Variants in PEPD observed in about 807,000 individuals in gnomAD.
The protein encoded by PEPD is xaa-Pro dipeptidase.
In PEPD, 53 loss-of-function variants were observed where a neutral mutation model predicts 60.7. The observed-to-expected ratio is 0.87, with a 90% CI of 0.70 to 1.10. The LOEUF is 1.10. Among genes scored for constraint, PEPD ranks in the 50% least tolerant of loss-of-function variants. The pLI, the probability that PEPD is intolerant of heterozygous loss-of-function variation, is 0.00. For synonymous variants in PEPD, 267 were observed against 284.1 expected, an observed-to-expected ratio of 0.94 and a Z score of 0.60; for missense variants, 711 against 711.9, an observed-to-expected ratio of 1.00 and a Z score of 0.01.
intron 9 of PEPD, among the ~76,000 whole-genome samples, chr19:33,422,207 C>T (rs1034832655): frequency 1.3e-5 from 2 of 152,022 alleles, no homozygotes; most frequent in African/African-American, 4.8e-5. Context: ...AAAGCCACAG[C>T]ATGCTCTCTC....
In PEPD at chr19:33,419,582, G is replaced by A. The variant is rs183284055; in HGVS notation, c.672-5939C>T. 1.1e-4 allele frequency among the ~76,000 whole-genome samples: 16 copies of A among 152,328 alleles called. No homozygotes were observed. The East Asian group carries it at 2.9e-3, about 28-fold the overall frequency. ...ACTGCAAAGCTTATGGTTTTGACCCGGATGCCTCTGAAACCTCAGGTCTGT... is the reference window on the plus strand; with the variant it reads ...ACTGCAAAGCTTATGGTTTTGACCCAGATGCCTCTGAAACCTCAGGTCTGT... On this transcript the variant is annotated intron_variant, in intron 9 of 14. Coordinates refer to ENST00000244137, the MANE Select transcript of PEPD (RefSeq NM_000285.4).
chr19:33,517,145 C>T lies in PEPD; in HGVS notation c.18-4369G>A, dbSNP rs552431187. 2.0e-5 allele frequency among the ~76,000 whole-genome samples: 3 copies of T among 152,314 alleles called. No homozygotes were observed. The South Asian group carries it at 6.2e-4, about 32-fold the overall frequency. On this transcript the variant is annotated intron_variant, in intron 1 of 14. Coordinates refer to ENST00000244137, the MANE Select transcript of PEPD (RefSeq NM_000285.4). ...ACAGTGAGCTGAGATCGCAACACTA[C>T]ACTCCAGCCTGGGGGACAGGGCGAG...
intron 1 of PEPD, among the ~76,000 whole-genome samples, chr19:33,517,055 C>T (rs1971035818): frequency 6.6e-6 from 1 of 151,988 alleles, no homozygotes; most frequent in Admixed American, 6.6e-5. Flanking sequence ...GTGGCTTGTG[C>T]ATGTGGTCCC....
chr19:33,418,312 A>G (rs1460708826), intron 9 of PEPD, among the ~76,000 whole-genome samples: 1 of 152,244 alleles, frequency 6.6e-6, no homozygotes, highest in Non-Finnish European at 1.5e-5. Flanking sequence ...AATCCTTTTC[A>G]GAGTAAGGGC....
intron 4 of PEPD, among the ~76,000 whole-genome samples, chr19:33,495,522 A>T (rs1011831049): frequency 6.6e-6 from 1 of 152,024 alleles, no homozygotes; most frequent in Non-Finnish European, 1.5e-5. Context: ...AAAAAATTAA[A>T]TGCCTTTAAA....
At chr19:33,497,901 G>A (rs901864198) in intron 4 of PEPD, among the ~76,000 whole-genome samples, 2 of 152,158 alleles carry the variant, frequency 1.3e-5, no homozygotes, top group Non-Finnish European at 2.9e-5. Context: ...TCCTTTCTGA[G>A]GGGAAAGGGA....
In PEPD at chr19:33,513,040, A is replaced by C. The variant is rs153702; in HGVS notation, c.18-264T>G. On this transcript the variant is annotated intron_variant, in intron 1 of 14. Coordinates refer to ENST00000244137, the MANE Select transcript of PEPD (RefSeq NM_000285.4). ...GCTCCTCTGCCCCCCAACCAACTGC[A>C]CAGCAGGCCACAGTGACCCCACGCT... Among the ~76,000 whole-genome samples, 113,690 of 148,426 alleles carry C rather than the reference A, an allele frequency of 0.77. 43,140 individuals carry two copies. Among genetic ancestry groups the C allele is most frequent in the Middle Eastern group, 0.84 (243 of 288 alleles).
intron 5 of PEPD, among the ~76,000 whole-genome samples, chr19:33,491,606 C>T (rs1281910016): frequency 6.6e-6 from 1 of 152,196 alleles, no homozygotes; most frequent in Non-Finnish European, 1.5e-5. Flanking sequence ...CGTTTATAAC[C>T]TGGCGTGTCC....
chr19:33,390,402 AT>A (rs1347882006), intron 13 of PEPD, among the ~76,000 whole-genome samples: 1 of 152,252 alleles, frequency 6.6e-6, no homozygotes, highest in Non-Finnish European at 1.5e-5. Context: ...GAGGAAAAAA[AT>A]AATTGAATAA....
chr19:33,480,522 C>T (rs193177800), intron 6 of PEPD, among the ~76,000 whole-genome samples: 37 of 152,308 alleles, frequency 2.4e-4, no homozygotes, highest in Non-Finnish European at 2.4e-4. Flanking sequence ...TGAACAAAAA[C>T]GCGGTGGCTC....
At chr19:33,460,615 G>A (rs1969908263) in intron 9 of PEPD, among the ~76,000 whole-genome samples, 1 of 152,046 alleles carries the variant, frequency 6.6e-6, no homozygotes, top group Non-Finnish European at 1.5e-5. Context: ...AAGCTCTCAG[G>A]GGCCCACAGA....
chr19:33,390,139 A>G (rs1047648865), intron 13 of PEPD, among the ~76,000 whole-genome samples: 1 of 152,264 alleles, frequency 6.6e-6, no homozygotes, highest in Non-Finnish European at 1.5e-5. Context: ...AGGAAAAGCC[A>G]TATTTTTTCC....
chr19:33,459,917 A>G (rs1052126975), intron 9 of PEPD, among the ~76,000 whole-genome samples: 3 of 152,172 alleles, frequency 2.0e-5, no homozygotes, highest in Non-Finnish European at 2.9e-5. Flanking sequence ...CAGAAAGTCC[A>G]GCAGGTCTTA....
chr19:33,462,086 C>T (rs1043217866), intron 9 of PEPD, among the ~76,000 whole-genome samples: 8 of 152,262 alleles, frequency 5.3e-5, no homozygotes, highest in African/African-American at 1.9e-4. Flanking sequence ...CTGCACCCCA[C>T]TGATGGCAGG....
At chr19:33,387,829 T>A in intron 14 of PEPD, 61 bp downstream of exon 14, 1 of 1,352,812 alleles carries the variant, frequency 7.4e-7, no homozygotes, top group Non-Finnish European at 1.0e-6. Flanking sequence ...CTAAGGAGTC[T>A]GCAGCTGCAG....
At chr19:33,392,740 C>T (rs1468399595) in intron 12 of PEPD, among the ~76,000 whole-genome samples, 4 of 152,146 alleles carry the variant, frequency 2.6e-5, no homozygotes, top group Admixed American at 1.3e-4. Flanking sequence ...TGGGAGGGGC[C>T]GGGGAGACCC....
chr19:33,486,022 C>A (rs1003305410), intron 6 of PEPD, among the ~76,000 whole-genome samples: 3 of 152,118 alleles, frequency 2.0e-5, no homozygotes, highest in East Asian at 1.9e-4. Flanking sequence ...CCAGCCCCTG[C>A]CAACAATCCC....
At chr19:33,513,028 C>A (rs1970958874) in intron 1 of PEPD, among the ~76,000 whole-genome samples, 1 of 151,848 alleles carries the variant, frequency 6.6e-6, no homozygotes, top group Non-Finnish European at 1.5e-5. Flanking sequence ...CCTCTGCCCC[C>A]CAACCAACTG....
intron 1 of PEPD, among the ~76,000 whole-genome samples, chr19:33,517,158 G>A (rs1453195778): frequency 2.0e-5 from 3 of 152,142 alleles, no homozygotes; most frequent in South Asian, 2.1e-4. Context: ...TCCAGCCTGG[G>A]GGACAGGGCG....
Sources: allele counts gnomAD v4.1 joint callset (sites outside exome capture counted in the v4.1 genomes callset), GRCh38; gene constraint gnomAD v4.1.1; transcripts MANE v1.5; gene names NCBI Gene and HGNC (gene_info 2026-07-23, HGNC 2026-07-21).